The following TASP1 variants were observed in gnomAD, a reference collection of about 807,000 sequenced individuals.
The protein encoded by TASP1 is taspase 1.
Under a neutral mutation model 56.6 loss-of-function variants are expected in TASP1, and 16 were observed. The observed-to-expected ratio is 0.28, with a 90% CI of 0.19 to 0.43. The LOEUF (loss-of-function observed/expected upper bound fraction) is 0.43, where lower values mean the gene tolerates loss of function less well. Ranked by LOEUF, TASP1 falls within the 20% of genes least tolerant of loss-of-function variation. The pLI, the probability that TASP1 is intolerant of heterozygous loss-of-function variation, is 1.00. For missense variants in TASP1, 393 were observed against 511.6 expected (o/e 0.77, Z 2.24); for synonymous variants, 179 against 184.2 (o/e 0.97, Z 0.23).
the TASP1 span, among the ~76,000 whole-genome samples, chr20:13,204,484 C>T: frequency 1.3e-5 from 2 of 150,672 alleles, no homozygotes; most frequent in South Asian, 4.2e-4. Flanking sequence ...TTCATGTGGG[C>T]GATGTGTGGG....
intron 12 of TASP1, among the ~76,000 whole-genome samples, chr20:13,426,554 T>G (rs2042624270): frequency 6.6e-6 from 1 of 152,188 alleles, no homozygotes; most frequent in Non-Finnish European, 1.5e-5. Context: ...TATAGAGATA[T>G]GTTCATGATT....
the TASP1 span, among the ~76,000 whole-genome samples, chr20:13,303,660 G>A: frequency 6.6e-6 from 1 of 152,208 alleles, no homozygotes; most frequent in Admixed American, 6.5e-5. Context: ...TCTCTCACTT[G>A]CCTGCTGGGA....
chr20:13,293,319 T>C, the TASP1 span, among the ~76,000 whole-genome samples: 4 of 152,120 alleles, frequency 2.6e-5, no homozygotes, highest in Non-Finnish European at 5.9e-5. Context: ...AAATGGAAAG[T>C]GACTCTTCAG....
At chr20:13,425,896 C>A (rs936310853) in intron 12 of TASP1, among the ~76,000 whole-genome samples, 2 of 152,122 alleles carry the variant, frequency 1.3e-5, no homozygotes, top group African/African-American at 4.8e-5. Context: ...CCCATTATGG[C>A]CATGAAGAAA....
chr20:13,446,659 C>T (rs191703634), intron 11 of TASP1, among the ~76,000 whole-genome samples: 1 of 151,956 alleles, frequency 6.6e-6, no homozygotes, highest in Non-Finnish European at 1.5e-5. Context: ...AAAAAAAATT[C>T]TTCTTATCAA....
chr20:13,245,972 A>G, the TASP1 span, among the ~76,000 whole-genome samples: 5,523 of 152,276 alleles, frequency 0.036, 172 homozygotes, highest in African/African-American at 0.077. Flanking sequence ...ACAGGCCACA[A>G]AAGCTTTTCT....
At chr20:13,270,403 C>T in the TASP1 span, 1 of 1,329,142 alleles carries the variant, frequency 7.5e-7, no homozygotes, top group Non-Finnish European at 1.0e-6. Flanking sequence ...TAATTTCAGC[C>T]ACTGGAATTG....
chr20:13,632,030 C>T (rs775192735), intron 1 of TASP1, among the ~76,000 whole-genome samples: 50 of 151,232 alleles, frequency 3.3e-4, no homozygotes, highest in Non-Finnish European at 5.6e-4. Context: ...CCAGCCTGGG[C>T]GACGGAGCAA....
chr20:13,504,157 T>C (rs1028839527), intron 10 of TASP1, among the ~76,000 whole-genome samples: 4 of 151,840 alleles, frequency 2.6e-5, no homozygotes, highest in Middle Eastern at 3.4e-3. Context: ...TACATTATTA[T>C]CAAATCATCA....
At chr20:13,528,286 T>G in intron 10 of TASP1, 147 bp downstream of exon 10, 1 of 479,302 alleles carries the variant, frequency 2.1e-6, no homozygotes, top group Non-Finnish European at 3.7e-6. Context: ...TAAACAACCC[T>G]TAAAACCTCG....
At chr20:13,119,265 C>G in the TASP1 span, among the ~76,000 whole-genome samples, 1 of 152,186 alleles carries the variant, frequency 6.6e-6, no homozygotes, top group Non-Finnish European at 1.5e-5. Flanking sequence ...CGAAGCAAGC[C>G]AATTCTTGAA....
At chr20:13,266,503 T>C in the TASP1 span, among the ~76,000 whole-genome samples, 380 of 152,278 alleles carry the variant, frequency 2.5e-3, 1 homozygote, top group African/African-American at 8.5e-3. Context: ...AGAGGAAACA[T>C]TGCTGCTGGT....
chr20:13,490,044 C>G (rs1054138967), intron 10 of TASP1, among the ~76,000 whole-genome samples: 4 of 152,138 alleles, frequency 2.6e-5, no homozygotes, highest in African/African-American at 9.7e-5. Flanking sequence ...CTACTTTTTC[C>G]AATTCAAACA....
the TASP1 span, among the ~76,000 whole-genome samples, chr20:13,219,234 G>T: frequency 1.3e-5 from 2 of 152,174 alleles, no homozygotes; most frequent in Non-Finnish European, 2.9e-5. Context: ...ACAACTGGAG[G>T]TTAGAACAAT....
chr20:13,373,307 T>C, the TASP1 span, among the ~76,000 whole-genome samples: 1 of 152,054 alleles, frequency 6.6e-6, no homozygotes, highest in African/African-American at 2.4e-5. Flanking sequence ...GAAAGAAAAA[T>C]ATATATACTG....
the TASP1 span, among the ~76,000 whole-genome samples, chr20:13,230,963 A>G: frequency 6.6e-6 from 1 of 152,174 alleles, no homozygotes; most frequent in African/African-American, 2.4e-5. Flanking sequence ...GGGACTAAGC[A>G]CTCACTGCCC....
chr20:13,165,697 A>G, the TASP1 span: 1 of 152,224 alleles, frequency 6.6e-6, no homozygotes, highest in East Asian at 1.9e-4. Context: ...CACAGCCTCT[A>G]TTACCTTAAG....
chr20:13,571,009 G>T lies in TASP1; in HGVS notation c.489-1423C>A, dbSNP rs541446542. ...TCTAATATTCTCAGCACTCCCATTG[G>T]TCACTTTGGGTTCAATTCCAGTATC... On this transcript the variant is annotated intron_variant, in intron 6 of 13. Transcript: ENST00000337743. Among the ~76,000 whole-genome samples the T allele has an allele frequency of 2.0e-5, 3 of 152,238 alleles. No individual in the cohort carries two copies. The South Asian group carries it at 6.2e-4, about 32-fold the overall frequency.
chr20:13,202,116 A>G, the TASP1 span, among the ~76,000 whole-genome samples: 1 of 152,180 alleles, frequency 6.6e-6, no homozygotes, highest in African/African-American at 2.4e-5. Context: ...GGCCTAGCAC[A>G]GTCAGTGATG....
Sources: allele counts gnomAD v4.1 joint callset (sites outside exome capture counted in the v4.1 genomes callset), GRCh38; gene constraint gnomAD v4.1.1; transcripts MANE v1.5; gene names NCBI Gene and HGNC (gene_info 2026-07-23, HGNC 2026-07-21).